Variants in C1orf53 observed in about 807,000 individuals in gnomAD.
C1orf53 encodes chromosome 1 open reading frame 53, also known as uncharacterized protein C1orf53.
A neutral mutation model predicts 17.5 loss-of-function variants in C1orf53; 23 were observed. That is an observed-to-expected ratio of 1.31 (90% CI 0.94 to 1.86). The LOEUF (loss-of-function observed/expected upper bound fraction) is 1.86. Among genes scored for constraint, C1orf53 ranks in the 40% most tolerant of loss-of-function variants. C1orf53 has a pLI of 0.00. For synonymous variants in C1orf53, 108 were observed against 81.9 expected (o/e 1.32, Z -1.72); for missense variants, 255 against 193.2 (o/e 1.32, Z -1.89).
At chr1:197,903,048 T>G (rs1659465941) in intron 1 of C1orf53, 135 bp downstream of exon 1, 1 of 810,164 alleles carries the variant, frequency 1.2e-6, no homozygotes, top group African/African-American at 1.8e-5. Context: ...CGGTCCTGCC[T>G]CGGGCGACAT....
At position 197,902,844 on chromosome 1, in the gene C1orf53, G is replaced by A. The variant is rs770857547; in HGVS notation, c.195G>A (p.Arg65=). Residue 65 remains arginine (R), a synonymous_variant, in exon 1 of 3, where the codon AGG becomes AGA. Transcript: ENST00000367393. ...CCGGTAGGCCGGAGAGAGCGGCGAG[G>A]CCTTCGGTGAGCGAAGAGTTAACCG... ...STPGRPERAA[R]PSVSEELTAA... is the part of the protein sequence containing the mutation. 3.2e-6 allele frequency: 5 copies of A among 1,553,364 alleles called. No homozygotes were observed. Among genetic ancestry groups the A allele is most frequent in the Middle Eastern group, 3.4e-4 (2 of 5,916 alleles).
At chr1:197,906,755 A>G (rs957314419) in intron 2 of C1orf53, among the ~76,000 whole-genome samples, 6 of 152,228 alleles carry the variant, frequency 3.9e-5, no homozygotes, top group Admixed American at 3.9e-4. Flanking sequence ...TAGCCACTCT[A>G]TAATTAAAGA....
Position 197,905,805 on chromosome 1 carries a change from C to A in C1orf53, c.274C>A (p.Leu92Ile). 1.2e-6 allele frequency: 2 copies of A among 1,612,366 alleles called. No individual in the cohort carries two copies. The highest frequency in any genetic ancestry group is 1.7e-5 in the Admixed American group (1 of 59,852). Residue 92 changes from leucine to isoleucine, a missense_variant, in exon 2 of 3, where the codon CTA becomes ATA. Transcript: ENST00000367393. ...LHAAACAAGQLNYVDPATGYV... is the reference protein window; with the variant it reads ...LHAAACAAGQINYVDPATGYV... Reference sequence around the variant, plus strand: ...TTTTATTGCACTTCAGGCTGGCCAGCTAAACTATGTGGATCCAGCTACTGG... The same window carrying A: ...TTTTATTGCACTTCAGGCTGGCCAGATAAACTATGTGGATCCAGCTACTGG...
chr1:197,905,999 C>T (rs1457213723), intron 2 of C1orf53, 102 bp downstream of exon 2: 3 of 892,698 alleles, frequency 3.4e-6, no homozygotes, highest in Non-Finnish European at 5.5e-6. Context: ...ACCAAATAGA[C>T]CTGGAGTGAA....
chr1:197,907,232 T>C lies in C1orf53; in HGVS notation c.*12T>C. ...ATTTTTATGTTTGACAAGAATTTCATCTCTGTTCCCTAACTGTGCTTGTAT... is the reference window on the plus strand; with the variant it reads ...ATTTTTATGTTTGACAAGAATTTCACCTCTGTTCCCTAACTGTGCTTGTAT... On this transcript the variant is annotated 3_prime_UTR_variant, in exon 3 of 3. Coordinates refer to ENST00000367393, the MANE Select transcript of C1orf53 (RefSeq NM_001024594.3). 1 of 1,464,138 alleles carries C rather than the reference T, an allele frequency of 6.8e-7. No individual in the cohort carries two copies. The highest frequency in any genetic ancestry group is 9.5e-7 in the Non-Finnish European group (1 of 1,054,582). The allele number at this position is 1,464,138 out of a possible 1,614,324, so 90.7% of individuals were successfully genotyped here.
Position 197,907,325 on chromosome 1 carries a change from A to G in C1orf53, c.*105A>G, listed in dbSNP as rs953049710. On this transcript the variant is annotated 3_prime_UTR_variant, in exon 3 of 3. Coordinates refer to ENST00000367393, the MANE Select transcript of C1orf53 (RefSeq NM_001024594.3). ...AGTACTTGAACACTAGTTTAATCCT[A>G]AATACATATATTAAAAGAACATCAA... 5.5e-6 allele frequency: 3 copies of G among 545,276 alleles called. No homozygotes were observed. The highest frequency in any genetic ancestry group is 9.7e-6 in the Non-Finnish European group (3 of 309,054). The allele number at this position is 545,276 out of a possible 1,614,324, so 33.8% of individuals were successfully genotyped here. A position where few individuals can be genotyped will look rare whatever the true frequency, so the allele number is the denominator to read the frequency against.
chr1:197,906,440 C>T (rs772947251), intron 2 of C1orf53, among the ~76,000 whole-genome samples: 1 of 149,898 alleles, frequency 6.7e-6, no homozygotes, highest in Non-Finnish European at 1.5e-5. Context: ...CTGGTCCTTT[C>T]TGTGGCTCTT....
intron 1 of C1orf53, 132 bp downstream of exon 1, chr1:197,903,045 G>A (rs1179991845): frequency 1.6e-5 from 14 of 849,268 alleles, no homozygotes; most frequent in East Asian, 1.4e-4. Flanking sequence ...GTGCGGTCCT[G>A]CCTCGGGCGA....
chr1:197,905,553 C>A, intron 1 of C1orf53: 1 of 417,834 alleles, frequency 2.4e-6, no homozygotes, highest in Non-Finnish European at 4.3e-6. Flanking sequence ...CAGAGGAGTT[C>A]TTGTTTTTCC....
intron 1 of C1orf53, among the ~76,000 whole-genome samples, chr1:197,904,607 T>C (rs1466605875): frequency 1.3e-5 from 2 of 152,192 alleles, no homozygotes; most frequent in Non-Finnish European, 2.9e-5. Flanking sequence ...TGCTCCTGAT[T>C]TCATGTAATC....
intron 1 of C1orf53, 85 bp downstream of exon 1, chr1:197,902,998 G>T (rs948951951): frequency 8.1e-7 from 1 of 1,236,366 alleles, no homozygotes; most frequent in Non-Finnish European, 1.0e-6. Context: ...TCCGGACCCG[G>T]AGGCCGCCCG....
At position 197,902,818 on chromosome 1, in the gene C1orf53, C is replaced by G. The variant is rs1659445664; in HGVS notation, c.169C>G (p.Pro57Ala). Residue 57 changes from proline (P) to alanine (A), a missense_variant, in exon 1 of 3, where the codon CCC becomes GCC. Pro to Ala is a conservative substitution (Grantham distance 27). Coordinates refer to ENST00000367393, the MANE Select transcript of C1orf53 (RefSeq NM_001024594.3). ...CTGCGGCGGCTCCGCGCCCAGCACGCCCGGTAGGCCGGAGAGAGCGGCGAG... is the reference window on the plus strand; with the variant it reads ...CTGCGGCGGCTCCGCGCCCAGCACGGCCGGTAGGCCGGAGAGAGCGGCGAG... The part of the protein sequence containing the change: ...GNCGGSAPST[P>A]GRPERAARPS... The G allele has an allele frequency of 2.5e-6, 4 of 1,572,928 alleles. No homozygotes were observed. Among genetic ancestry groups the G allele is most frequent in the Non-Finnish European group, 3.4e-6 (4 of 1,167,056 alleles).
At chr1:197,902,973 C>T (rs1659454783) in intron 1 of C1orf53, 60 bp downstream of exon 1, 1 of 1,322,372 alleles carries the variant, frequency 7.6e-7, no homozygotes, top group Non-Finnish European at 9.6e-7. Flanking sequence ...GGCGCGCCTG[C>T]GCATCCCGGG....
rs376859932 is a variant in C1orf53 at position 197,907,231 on chromosome 1, A to T, written c.*11A>T. The T allele has an allele frequency of 3.4e-6, 5 of 1,470,504 alleles. No individual in the cohort carries two copies. In the African/African-American group the frequency reaches 7.0e-5, roughly 21 times the overall value. 91.1% of individuals were successfully genotyped at this position (1,470,504 alleles called of 1,614,324 possible). A position where few individuals can be genotyped will look rare whatever the true frequency, so the allele number is the denominator to read the frequency against. Reference sequence around the variant, plus strand: ...TATTTTTATGTTTGACAAGAATTTCATCTCTGTTCCCTAACTGTGCTTGTA... The same window carrying T: ...TATTTTTATGTTTGACAAGAATTTCTTCTCTGTTCCCTAACTGTGCTTGTA... On this transcript the variant is annotated 3_prime_UTR_variant, in exon 3 of 3. Transcript: ENST00000367393.
chr1:197,906,231 A>G (rs1426598104), intron 2 of C1orf53, among the ~76,000 whole-genome samples: 1 of 152,230 alleles, frequency 6.6e-6, no homozygotes, highest in African/African-American at 2.4e-5. Context: ...AAAGAAATCT[A>G]GAATGTTGCA....
At chr1:197,903,852 T>C (rs978963401) in intron 1 of C1orf53, among the ~76,000 whole-genome samples, 22 of 152,346 alleles carry the variant, frequency 1.4e-4, no homozygotes, top group Admixed American at 1.3e-3. Flanking sequence ...AGGAAGTGAC[T>C]GGCAGCTTTT....
intron 1 of C1orf53, among the ~76,000 whole-genome samples, chr1:197,904,965 C>T (rs994604975): frequency 6.6e-6 from 1 of 152,068 alleles, no homozygotes; most frequent in Non-Finnish European, 1.5e-5. Context: ...AAAGGTTATA[C>T]AAAAAGTCCA....
Position 197,907,000 on chromosome 1 carries a change from C to A in C1orf53, c.367-149C>A. 3 of 470,762 alleles carry A rather than the reference C, an allele frequency of 6.4e-6. No individual in the cohort carries two copies. In the East Asian group the frequency reaches 1.1e-4, roughly 17 times the overall value. 29.2% of individuals were successfully genotyped at this position (470,762 alleles called of 1,614,324 possible). On this transcript the variant is annotated intron_variant, in intron 2 of 2. Transcript: ENST00000367393. ...AATTAGGATCATTTGCCTGAGGTTG[C>A]CAATATTTTTCTCTTAGTCTGCAGG...
chr1:197,906,009 A>G (rs1659519197), intron 2 of C1orf53, 112 bp downstream of exon 2: 1 of 796,874 alleles, frequency 1.3e-6, no homozygotes, highest in Non-Finnish European at 2.1e-6. Context: ...CCTGGAGTGA[A>G]CTTTTCACAA....
Sources: allele counts gnomAD v4.1 joint callset (sites outside exome capture counted in the v4.1 genomes callset), GRCh38; gene constraint gnomAD v4.1.1; transcripts MANE v1.5; gene names NCBI Gene and HGNC (gene_info 2026-07-23, HGNC 2026-07-21).